TAOK3: variants seen among roughly 807,000 people sequenced by gnomAD.
TAOK3 encodes the protein serine/threonine-protein kinase TAO3.
In TAOK3, 40 loss-of-function variants were observed where a neutral mutation model predicts 120.4. The ratio of observed to expected loss-of-function variants is 0.33; its 90% CI spans 0.26 to 0.43. The LOEUF is 0.43. TAOK3 is among the 20% of genes least tolerant of loss of function. The pLI is 1.00. For missense variants in TAOK3, 821 were observed against 1,112.1 expected (o/e 0.74, Z 3.72); for synonymous variants, 355 against 387.5 (o/e 0.92, Z 0.99).
intron 3 of TAOK3, among the ~76,000 whole-genome samples, chr12:118,253,810 T>C (rs1488409561): frequency 6.7e-6 from 1 of 149,992 alleles, no homozygotes; most frequent in African/African-American, 2.5e-5. Flanking sequence ...TCCCACCACT[T>C]TGGGAGGCCG....
At chr12:118,217,350 G>A (rs1173674903) in intron 9 of TAOK3, among the ~76,000 whole-genome samples, 1 of 152,022 alleles carries the variant, frequency 6.6e-6, no homozygotes, top group Non-Finnish European at 1.5e-5. Flanking sequence ...ATTTTGGAGG[G>A]GCATCTTATA....
At chr12:118,248,829 T>C (rs1241049198) in intron 3 of TAOK3, among the ~76,000 whole-genome samples, 2 of 152,136 alleles carry the variant, frequency 1.3e-5, no homozygotes, top group African/African-American at 2.4e-5. Flanking sequence ...CACTTACACA[T>C]CCTAATGTAT....
At chr12:118,230,195 C>T (rs1401556776) in intron 9 of TAOK3, among the ~76,000 whole-genome samples, 1 of 152,028 alleles carries the variant, frequency 6.6e-6, no homozygotes, top group African/African-American at 2.4e-5. Flanking sequence ...ATATAATTAA[C>T]ACATTTCTCA....
intron 1 of TAOK3, among the ~76,000 whole-genome samples, chr12:118,320,318 T>C (rs986511261): frequency 3.3e-5 from 5 of 152,124 alleles, no homozygotes; most frequent in Admixed American, 1.3e-4. Flanking sequence ...TAGCCGGGTA[T>C]GGTGGCTCTT....
rs2035173305 is a variant in TAOK3, at chr12:118,160,870, G to A, written c.2140-512C>T. ...CTCCATAAAGGAGAGTATATGGATG[G>A]TACCTTATATCCTAACGCATTTCTA... On this transcript the variant is annotated intron_variant, in intron 18 of 20. Transcript: ENST00000392533. This position sits in a 1 kb window ranked among gnomAD's most constrained non-coding sequence, Gnocchi z 4.2. Among the ~76,000 whole-genome samples the A allele has an allele frequency of 6.6e-6, 1 of 152,158 alleles. No homozygotes were observed. Among genetic ancestry groups the A allele is most frequent in the African/African-American group, 2.4e-5 (1 of 41,422 alleles).
At chr12:118,337,431 G>A (rs2044411638) in intron 1 of TAOK3, among the ~76,000 whole-genome samples, 1 of 152,302 alleles carries the variant, frequency 6.6e-6, no homozygotes, top group East Asian at 1.9e-4. Context: ...CCAGGGAAAT[G>A]GAGAATTATG....
Position 118,160,402 on chromosome 12 carries a change from A to G in TAOK3, c.2140-44T>C. The stretch of plus-strand genomic sequence containing the variant: ...AAAGGAAAAATAAAGGCACATCAGT[A>G]AATACAGAAAGCCTTCTACCATAAT... On this transcript the variant is annotated intron_variant, in intron 18 of 20. Coordinates refer to ENST00000392533, the MANE Select transcript of TAOK3 (RefSeq NM_016281.4). This position sits in a 1 kb window ranked among gnomAD's most constrained non-coding sequence, Gnocchi z 4.2. 1 of 1,508,640 alleles carries G rather than the reference A, an allele frequency of 6.6e-7. No homozygotes were observed. The highest frequency in any genetic ancestry group is 9.2e-7 in the Non-Finnish European group (1 of 1,090,142). 93.5% of individuals were successfully genotyped at this position (1,508,640 alleles called of 1,614,324 possible). A position where few individuals can be genotyped will look rare whatever the true frequency, so the allele number is the denominator to read the frequency against.
intron 17 of TAOK3, among the ~76,000 whole-genome samples, chr12:118,171,269 C>A (rs2035977410): frequency 6.6e-6 from 1 of 152,216 alleles, no homozygotes; most frequent in Non-Finnish European, 1.5e-5. Flanking sequence ...CAGGCTAGAA[C>A]TGGAGAAAGA....
At chr12:118,296,614 T>C (rs1295213091) in intron 1 of TAOK3, among the ~76,000 whole-genome samples, 1 of 152,246 alleles carries the variant, frequency 6.6e-6, no homozygotes, top group Non-Finnish European at 1.5e-5. Flanking sequence ...TACCTCATTT[T>C]ATTTTCCTGT....
At chr12:118,257,946 T>C (rs973470761) in intron 2 of TAOK3, among the ~76,000 whole-genome samples, 2 of 152,150 alleles carry the variant, frequency 1.3e-5, no homozygotes, top group South Asian at 2.1e-4. Context: ...AATGGACTTA[T>C]AGACATTAAA....
At chr12:118,187,446 C>A (rs383371) in intron 14 of TAOK3, among the ~76,000 whole-genome samples, 2 of 152,014 alleles carry the variant, frequency 1.3e-5, no homozygotes, top group South Asian at 2.1e-4. Flanking sequence ...CCAGTGTCCT[C>A]ATTTATACAC....
At chr12:118,217,522 C>T (rs955886613) in intron 9 of TAOK3, among the ~76,000 whole-genome samples, 3 of 151,478 alleles carry the variant, frequency 2.0e-5, no homozygotes, top group Non-Finnish European at 4.4e-5. Context: ...CCTGTCTCTA[C>T]TAAAAATACA....
chr12:118,162,540 G>C (rs2035288347), intron 17 of TAOK3, among the ~76,000 whole-genome samples: 1 of 152,130 alleles, frequency 6.6e-6, no homozygotes, highest in Non-Finnish European at 1.5e-5. Context: ...AAGCAATCAA[G>C]ATTGAGAATT....
chr12:118,351,083 G>T (rs1174164598), intron 1 of TAOK3, among the ~76,000 whole-genome samples: 1 of 152,094 alleles, frequency 6.6e-6, no homozygotes, highest in Non-Finnish European at 1.5e-5. Flanking sequence ...GGAGGCTGAG[G>T]CACGAGAATC....
chr12:118,174,501 A>T (rs1236328478), intron 16 of TAOK3, among the ~76,000 whole-genome samples: 2 of 152,052 alleles, frequency 1.3e-5, no homozygotes, highest in Non-Finnish European at 2.9e-5. Context: ...GGACTCTTAA[A>T]TGCTGTTCTG....
intron 1 of TAOK3, among the ~76,000 whole-genome samples, chr12:118,305,513 T>G (rs1312235145): frequency 2.6e-5 from 4 of 152,028 alleles, no homozygotes; most frequent in Admixed American, 2.6e-4. Flanking sequence ...AATCCACTAC[T>G]ACTAACAAAT....
At chr12:118,303,574 T>G (rs866947899) in intron 1 of TAOK3, among the ~76,000 whole-genome samples, 1 of 152,244 alleles carries the variant, frequency 6.6e-6, no homozygotes, top group East Asian at 1.9e-4. Flanking sequence ...TTCTAAGAAT[T>G]GGTTTCTCTC....
At chr12:118,227,279 T>C (rs987735804) in intron 9 of TAOK3, among the ~76,000 whole-genome samples, 2 of 147,744 alleles carry the variant, frequency 1.4e-5, no homozygotes, top group Admixed American at 6.8e-5. Flanking sequence ...GTTATAATTT[T>C]ATAATATAAA....
intron 1 of TAOK3, among the ~76,000 whole-genome samples, chr12:118,309,802 C>T (rs1593492945): frequency 1.3e-5 from 2 of 152,020 alleles, no homozygotes; most frequent in Non-Finnish European, 2.9e-5. Context: ...AGGCCTGAGT[C>T]ATCAGGCCCC....
Sources: gnomAD v4.1 joint callset for allele counts (sites outside exome capture counted in the v4.1 genomes callset) on GRCh38, gnomAD v4.1.1 for gene constraint, Gnocchi (gnomAD v3.1) non-coding constraint, MANE v1.5 for transcripts, NCBI Gene and HGNC (gene_info 2026-07-23, HGNC 2026-07-21) for gene names.